Variants in CNOT7 observed in about 807,000 individuals in gnomAD.
The protein encoded by CNOT7 is CCR4-NOT transcription complex subunit 7.
In CNOT7, 4 loss-of-function variants were observed where a neutral mutation model predicts 37.1. That is an observed-to-expected ratio of 0.11 (90% CI 0.05 to 0.25). CNOT7 has a LOEUF of 0.25. Among genes scored for constraint, CNOT7 ranks in the 10% least tolerant of loss-of-function variants. The pLI, the probability that CNOT7 is intolerant of heterozygous loss-of-function variation, is 1.00. For synonymous variants in CNOT7, 128 were observed against 115.6 expected, an observed-to-expected ratio of 1.11 and a Z score of -0.69; for missense variants, 170 against 336.2, an observed-to-expected ratio of 0.51 and a Z score of 3.87.
chr8:17,232,386 C>G, intron 6 of CNOT7, 41 bp downstream of exon 6: 1 of 1,613,394 alleles, frequency 6.2e-7, no homozygotes. Context: ...ATGTTCTCAA[C>G]CTAACAACCA....
chr8:17,236,835 A>G (rs1367057340), intron 4 of CNOT7, among the ~76,000 whole-genome samples: 1 of 152,200 alleles, frequency 6.6e-6, no homozygotes, highest in Non-Finnish European at 1.5e-5. Context: ...TAAATACTCA[A>G]TAACGTTGTG....
At position 17,225,519 on chromosome 8, in the gene CNOT7, A is replaced by G. The variant is rs1446389462; in HGVS notation, c.*5201T>C. On this transcript the variant is annotated 3_prime_UTR_variant, in exon 7 of 7. Coordinates refer to ENST00000361272, the MANE Select transcript of CNOT7 (RefSeq NM_013354.7). ...AAAGAGAAATTGCTCAATTGCTTTT[A>G]TACTAAACGTTAAATGTAACTAATG... 1 of 151,780 alleles carries G rather than the reference A, an allele frequency of 6.6e-6. No individual in the cohort carries two copies. Among genetic ancestry groups the G allele is most frequent in the Non-Finnish European group, 1.5e-5 (1 of 67,704 alleles). 9.4% of individuals were successfully genotyped at this position (151,780 alleles called of 1,614,324 possible). A position where few individuals can be genotyped will look rare whatever the true frequency, so the allele number is the denominator to read the frequency against.
chr8:17,235,169 G>A (rs1007372873), intron 4 of CNOT7, among the ~76,000 whole-genome samples: 12 of 152,086 alleles, frequency 7.9e-5, no homozygotes, highest in Non-Finnish European at 1.6e-4. Flanking sequence ...ACCAAGAAGA[G>A]TATCAAGCTG....
rs1400547963 is a variant in CNOT7, at chr8:17,227,060, C to G, written c.*3660G>C. Reference sequence around the variant, plus strand: ...CTGAAGATGGTTAAGTCCACAAGAGCAAATGAAGTTAACTGTTGACCAGTT... The same window carrying G: ...CTGAAGATGGTTAAGTCCACAAGAGGAAATGAAGTTAACTGTTGACCAGTT... On this transcript the variant is annotated 3_prime_UTR_variant, in exon 7 of 7. Transcript: ENST00000361272. 6.6e-6 allele frequency: 1 copy of G among 151,150 alleles called. No homozygotes were observed. Among genetic ancestry groups the G allele is most frequent in the Non-Finnish European group, 1.5e-5 (1 of 67,650 alleles). The allele number at this position is 151,150 out of a possible 1,614,324, so 9.4% of individuals were successfully genotyped here. A position where few individuals can be genotyped will look rare whatever the true frequency, so the allele number is the denominator to read the frequency against.
At chr8:17,235,582 C>T (rs191580565) in intron 4 of CNOT7, among the ~76,000 whole-genome samples, 2 of 152,004 alleles carry the variant, frequency 1.3e-5, no homozygotes, top group Non-Finnish European at 2.9e-5. Flanking sequence ...TCCCTTTGTC[C>T]GGCCTTTCGC....
chr8:17,229,765 T>TATC lies in CNOT7; in HGVS notation c.*952_*954dup, dbSNP rs1808399630. On this transcript the variant is annotated 3_prime_UTR_variant, in exon 7 of 7. Transcript: ENST00000361272. Reference sequence around the variant, plus strand: ...TTGGTACAAAATATACCTAAAGACTTATCTTTGGATTTTTAATAAAATTGA... The same window carrying TATC: ...TTGGTACAAAATATACCTAAAGACTTATCATCTTTGGATTTTTAATAAAATTGA... 1.3e-5 allele frequency: 2 copies of TATC among 151,928 alleles called. No individual in the cohort carries two copies. The highest frequency in any genetic ancestry group is 2.1e-4 in the South Asian group (1 of 4,818). 9.4% of individuals were successfully genotyped at this position (151,928 alleles called of 1,614,324 possible). A position where few individuals can be genotyped will look rare whatever the true frequency, so the allele number is the denominator to read the frequency against.
intron 1 of CNOT7, 27 bp from the exon 2 acceptor site, chr8:17,245,274 G>C (rs142972655): frequency 1.1e-5 from 11 of 976,454 alleles, no homozygotes; most frequent in Non-Finnish European, 1.1e-5. Context: ...ACAATATGAA[G>C]ACCAGATATA....
intron 6 of CNOT7, chr8:17,231,957 G>C (rs1808690707): frequency 3.0e-6 from 3 of 988,644 alleles, no homozygotes; most frequent in Non-Finnish European, 3.6e-6. Context: ...AATCTTCAAA[G>C]CACTGAAGAA....
At chr8:17,240,498 T>G (rs1810016378) in intron 3 of CNOT7, among the ~76,000 whole-genome samples, 1 of 152,184 alleles carries the variant, frequency 6.6e-6, no homozygotes. Context: ...GGTAGTAAAC[T>G]TTAGCAGTCA....
chr8:17,245,060 G>A lies in CNOT7; in HGVS notation c.93C>T (p.Ile31=). 6.2e-7 allele frequency: 1 copy of A among 1,613,488 alleles called. No individual in the cohort carries two copies. Among genetic ancestry groups the A allele is most frequent in the Non-Finnish European group, 8.5e-7 (1 of 1,179,704 alleles). ...CCATAGCAACGTAATTATATTTTCG[G>A]ATAACTTGACGAATTTTCTTCATCT... The part of the protein sequence containing the change: ...DEEMKKIRQV[I]RKYNYVAMDT... Residue 31 remains isoleucine (I), a synonymous_variant, in exon 2 of 7, where the codon ATC becomes ATT. Transcript: ENST00000361272.
chr8:17,235,168 A>G (rs2150980252), intron 4 of CNOT7, among the ~76,000 whole-genome samples: 1 of 152,334 alleles, frequency 6.6e-6, no homozygotes, highest in African/African-American at 2.4e-5. Flanking sequence ...CACCAAGAAG[A>G]GTATCAAGCT....
chr8:17,243,375 C>G (rs1052154478), intron 2 of CNOT7, 190 bp from the exon 3 acceptor site: 1 of 640,880 alleles, frequency 1.6e-6, no homozygotes, highest in Non-Finnish European at 2.8e-6. Context: ...ACTTAATAAC[C>G]TTTCCTTAAA....
rs765860999 is a variant in CNOT7, at chr8:17,243,003, T to C, written c.300A>G (p.Lys100=). Residue 100 remains lysine (K), a synonymous_variant, in exon 3 of 7, where the codon AAA becomes AAG. Transcript: ENST00000361272. The part of the protein sequence containing the change: ...PGTSTWQFNF[K]FNLTEDMYAQ... ...TATTTCCCACTTACGTCAAATTAAA[T>C]TTAAAATTAAACTGCCAAGTTGAAG... 1.9e-6 allele frequency: 3 copies of C among 1,597,080 alleles called. No individual in the cohort carries two copies. The East Asian group carries it at 6.8e-5, about 36-fold the overall frequency.
chr8:17,245,052 T>G lies in CNOT7; in HGVS notation c.101A>C (p.Tyr34Ser). 1 of 1,613,528 alleles carries G rather than the reference T, an allele frequency of 6.2e-7. No individual in the cohort carries two copies. The highest frequency in any genetic ancestry group is 8.5e-7 in the Non-Finnish European group (1 of 1,179,650). The change falls in exon 2 of 7, where the codon TAT (tyrosine) becomes TCT (serine). Residue 34 changes from tyrosine (Y) to serine (S), a missense_variant. By Grantham distance (144) the Tyr-to-Ser change is moderately radical. Around this residue, in one of 6 missense-constraint regions of CNOT7, gnomAD observed 18 missense variants for 57.0 expected, o/e 0.32. Coordinates refer to ENST00000361272, the MANE Select transcript of CNOT7 (RefSeq NM_013354.7). ...MKKIRQVIRKYNYVAMDTEFP... is the reference protein window; with the variant it reads ...MKKIRQVIRKSNYVAMDTEFP... ...TGGGCATACCATAGCAACGTAATTA[T>G]ATTTTCGGATAACTTGACGAATTTT...
intron 2 of CNOT7, chr8:17,244,757 A>G (rs1259980130): frequency 3.3e-6 from 1 of 306,230 alleles, no homozygotes; most frequent in Non-Finnish European, 6.1e-6. Context: ...CCCTAAGACC[A>G]CCTGACACGA....
intron 5 of CNOT7, among the ~76,000 whole-genome samples, chr8:17,233,607 A>G (rs1357320179): frequency 6.6e-6 from 1 of 152,194 alleles, no homozygotes. Flanking sequence ...AATTAAAAAA[A>G]AAGTCAGATG....
At chr8:17,236,823 G>A (rs1809424328) in intron 4 of CNOT7, among the ~76,000 whole-genome samples, 1 of 152,112 alleles carries the variant, frequency 6.6e-6, no homozygotes, top group Non-Finnish European at 1.5e-5. Context: ...CCTGCCATAT[G>A]GTAAATACTC....
Position 17,246,757 on chromosome 8 carries a change from AGCG to A in CNOT7, c.-181_-179del. The A allele has an allele frequency of 1.1e-5, 2 of 183,222 alleles. No individual in the cohort carries two copies. The highest frequency in any genetic ancestry group is 2.3e-5 in the Non-Finnish European group (2 of 88,036). The allele number at this position is 183,222 out of a possible 1,614,324, so 11.3% of individuals were successfully genotyped here. ...CGGCGGTGGCGGTGGCGGTGGCGGT[AGCG>A]GCGGCGGCAGCGGGTGCCCCATAGA... On this transcript the variant is annotated 5_prime_UTR_variant, in exon 1 of 7. Coordinates refer to ENST00000361272, the MANE Select transcript of CNOT7 (RefSeq NM_013354.7).
At position 17,227,649 on chromosome 8, in the gene CNOT7, C is replaced by CTAA. The variant is rs1808248893; in HGVS notation, c.*3068_*3070dup. 1 of 151,796 alleles carries CTAA rather than the reference C, an allele frequency of 6.6e-6. No homozygotes were observed. Among genetic ancestry groups the CTAA allele is most frequent in the African/African-American group, 2.4e-5 (1 of 41,394 alleles). 9.4% of individuals were successfully genotyped at this position (151,796 alleles called of 1,614,324 possible). A position where few individuals can be genotyped will look rare whatever the true frequency, so the allele number is the denominator to read the frequency against. ...TGCTGTGATGTTTCATTTAAATTTTCTAATTCTTCTGACTGTTGCTTTCCC... is the reference window on the plus strand; with the variant it reads ...TGCTGTGATGTTTCATTTAAATTTTCTAATAATTCTTCTGACTGTTGCTTTCCC... On this transcript the variant is annotated 3_prime_UTR_variant, in exon 7 of 7. Transcript: ENST00000361272.
Sources: gnomAD v4.1 joint callset for allele counts (sites outside exome capture counted in the v4.1 genomes callset) on GRCh38, gnomAD v4.1.1 for gene constraint, gnomAD v4.1.1 regional missense constraint, MANE v1.5 for transcripts, NCBI Gene and HGNC (gene_info 2026-07-23, HGNC 2026-07-21) for gene names.